Variants in SH3PXD2A observed in about 807,000 individuals in gnomAD.
SH3PXD2A encodes the protein SH3 and PX domains 2A.
In SH3PXD2A, 32 loss-of-function variants were observed where a neutral mutation model predicts 115.2. The ratio of observed to expected loss-of-function variants is 0.28; its 90% CI spans 0.21 to 0.37. The LOEUF (loss-of-function observed/expected upper bound fraction) is 0.37, where lower values mean the gene tolerates loss of function less well. SH3PXD2A is among the 10% of genes least tolerant of loss of function. SH3PXD2A has a pLI of 1.00. For synonymous variants in SH3PXD2A, 610 were observed against 629.1 expected (o/e 0.97, Z 0.45); for missense variants, 1,328 against 1,498.7 (o/e 0.89, Z 1.88).
chr10:103,612,754 G>A (rs921670587), intron 12 of SH3PXD2A, 99 bp downstream of exon 12: 12 of 756,470 alleles, frequency 1.6e-5, no homozygotes, highest in Admixed American at 3.2e-5. Flanking sequence ...GGAGGAAAAC[G>A]CCATGGGGGT....
rs547246862 is a variant in SH3PXD2A, at chr10:103,665,402, C to A, written c.472+3206G>T. On this transcript the variant is annotated intron_variant, in intron 7 of 14. Transcript: ENST00000369774. The surrounding 1 kb of genome is among the most constrained non-coding windows in gnomAD (Gnocchi z 4.0). The stretch of plus-strand genomic sequence containing the variant: ...CACTTTCCTGGAAAATTGGCCTGAC[C>A]TTCCTGAAGGCTGACTCTCTGGGAC... Among the ~76,000 whole-genome samples the A allele has an allele frequency of 1.8e-4, 27 of 152,128 alleles. No homozygotes were observed. Among genetic ancestry groups the A allele is most frequent in the Non-Finnish European group, 3.5e-4 (24 of 68,020 alleles).
At position 103,619,251 on chromosome 10, in the gene SH3PXD2A, C is replaced by T. The variant is rs191174432; in HGVS notation, c.803-1937G>A. Among the ~76,000 whole-genome samples, 107 of 152,318 alleles carry T rather than the reference C, an allele frequency of 7.0e-4. 1 individual carries two copies. Among genetic ancestry groups the T allele is most frequent in the Admixed American group, 3.1e-3 (48 of 15,304 alleles). On this transcript the variant is annotated intron_variant, in intron 10 of 14. Coordinates refer to ENST00000369774, the MANE Select transcript of SH3PXD2A (RefSeq NM_001394015.1). ...GCCCTTTGAGAAGTTCAGGGCTCCA[C>T]AGTCCAACTCTCTCTGCTCTCCTGC... is the stretch of plus-strand genomic sequence containing the variant.
chr10:103,842,391 T>G (rs7901127), intron 1 of SH3PXD2A, among the ~76,000 whole-genome samples: 132,588 of 152,212 alleles, frequency 0.87, 58,896 homozygotes, highest in East Asian at 0.99. Context: ...CACTTATCTT[T>G]TATTTGTACT....
intron 2 of SH3PXD2A, among the ~76,000 whole-genome samples, chr10:103,785,721 G>C (rs1279566885): frequency 6.6e-6 from 1 of 151,962 alleles, no homozygotes; most frequent in African/African-American, 2.4e-5. Flanking sequence ...GGGGAAGCAG[G>C]TTTCCTCCCC....
chr10:103,795,789 A>G (rs1450226511), intron 2 of SH3PXD2A, among the ~76,000 whole-genome samples: 3 of 151,958 alleles, frequency 2.0e-5, no homozygotes, highest in Non-Finnish European at 4.4e-5. Context: ...TTGGATCATC[A>G]ATGTGTCCCA....
intron 14 of SH3PXD2A, among the ~76,000 whole-genome samples, 163 bp downstream of exon 14, chr10:103,605,635 C>T (rs1310687460): frequency 2.0e-5 from 3 of 152,228 alleles, no homozygotes; most frequent in Admixed American, 2.0e-4. Flanking sequence ...GGCCATGGCA[C>T]TGGCCAGCGC....
intron 3 of SH3PXD2A, among the ~76,000 whole-genome samples, chr10:103,760,645 A>G (rs1315552864): frequency 6.6e-6 from 1 of 151,354 alleles, no homozygotes; most frequent in African/African-American, 2.4e-5. Context: ...ATATGTATAT[A>G]AAATAAATAT....
At chr10:103,722,542 T>G (rs1199872918) in intron 5 of SH3PXD2A, among the ~76,000 whole-genome samples, 1 of 152,038 alleles carries the variant, frequency 6.6e-6, no homozygotes, top group Non-Finnish European at 1.5e-5. Context: ...GCTCAAGAGA[T>G]CCACCTGCCT....
At chr10:103,617,826 C>T (rs137947150) in intron 10 of SH3PXD2A, among the ~76,000 whole-genome samples, 7 of 152,348 alleles carry the variant, frequency 4.6e-5, no homozygotes, top group South Asian at 2.1e-4. Flanking sequence ...CTCTGTCTGA[C>T]CTTCAGAGGT....
At chr10:103,613,440 A>G (rs1293698049) in intron 11 of SH3PXD2A, among the ~76,000 whole-genome samples, 1 of 152,194 alleles carries the variant, frequency 6.6e-6, no homozygotes, top group Non-Finnish European at 1.5e-5. Context: ...GTGGGCTCTC[A>G]TGTTCTGCAA....
chr10:103,622,881 G>C (rs1265527303), intron 9 of SH3PXD2A, among the ~76,000 whole-genome samples: 2 of 152,196 alleles, frequency 1.3e-5, no homozygotes, highest in African/African-American at 4.8e-5. Flanking sequence ...CAGCCCCTCA[G>C]CTACAGCCTC....
intron 9 of SH3PXD2A, among the ~76,000 whole-genome samples, chr10:103,625,129 C>T (rs1370309668): frequency 1.3e-5 from 2 of 152,222 alleles, no homozygotes; most frequent in Non-Finnish European, 2.9e-5. Context: ...CTGCCCAACC[C>T]ACTACTACTT....
chr10:103,602,620 C>G lies in SH3PXD2A; in HGVS notation c.2598G>C (p.Glu866Asp). ...DSEISFPAGV[E>D]VQVLEKQESG... ...TCTCCTGCTTCTCCAGCACCTGCACCTCCACGCCCGCGGGGAAGCTGATCT... is the reference window on the plus strand; with the variant it reads ...TCTCCTGCTTCTCCAGCACCTGCACGTCCACGCCCGCGGGGAAGCTGATCT... Residue 866 changes from glutamate to aspartate, a missense_variant, in exon 15 of 15, where the codon GAG (glutamate) becomes GAC (aspartate). By Grantham distance (45) the Glu-to-Asp change is conservative. This residue lies in a region of SH3PXD2A where 574 missense variants were observed against 565.7 expected (regional missense o/e 1.01). Transcript: ENST00000369774. The G allele has an allele frequency of 6.2e-7, 1 of 1,614,200 alleles. No individual in the cohort carries two copies. The highest frequency in any genetic ancestry group is 8.5e-7 in the Non-Finnish European group (1 of 1,180,034).
intron 1 of SH3PXD2A, among the ~76,000 whole-genome samples, chr10:103,810,649 C>T (rs1482840927): frequency 6.6e-6 from 1 of 152,110 alleles, no homozygotes; most frequent in East Asian, 1.9e-4. Flanking sequence ...TGGTGATACC[C>T]ATGGGGCACC....
At chr10:103,817,982 T>C (rs114496406) in intron 1 of SH3PXD2A, among the ~76,000 whole-genome samples, 2,680 of 152,280 alleles carry the variant, frequency 0.018, 79 homozygotes, top group African/African-American at 0.06. Context: ...TGAAAATGTT[T>C]AAAAATGACT....
chr10:103,743,743 A>G (rs7894860), intron 3 of SH3PXD2A, among the ~76,000 whole-genome samples: 12,247 of 143,120 alleles, frequency 0.086, 1,290 homozygotes, highest in East Asian at 0.29. Context: ...AGAATACCCA[A>G]CTCTAAAAAC....
intron 9 of SH3PXD2A, among the ~76,000 whole-genome samples, chr10:103,626,627 A>T (rs2036699306): frequency 7.0e-6 from 1 of 143,030 alleles, no homozygotes; most frequent in Non-Finnish European, 1.5e-5. Context: ...AAAGAAAAAG[A>T]AAAAAAAAAA....
intron 1 of SH3PXD2A, among the ~76,000 whole-genome samples, chr10:103,811,990 T>A (rs1815571529): frequency 6.6e-6 from 1 of 152,142 alleles, no homozygotes; most frequent in Non-Finnish European, 1.5e-5. Flanking sequence ...CCTAGCACAG[T>A]CTTTTGCACT....
At chr10:103,694,703 C>T (rs2037804226) in intron 5 of SH3PXD2A, among the ~76,000 whole-genome samples, 1 of 152,202 alleles carries the variant, frequency 6.6e-6, no homozygotes, top group Non-Finnish European at 1.5e-5. Flanking sequence ...TCAGCCATTG[C>T]CGAAGGTTGC....
Sources: gnomAD v4.1 joint callset for allele counts (sites outside exome capture counted in the v4.1 genomes callset) on GRCh38, gnomAD v4.1.1 for gene constraint, gnomAD v4.1.1 regional missense constraint, Gnocchi (gnomAD v3.1) non-coding constraint, MANE v1.5 for transcripts, NCBI Gene and HGNC (gene_info 2026-07-23, HGNC 2026-07-21) for gene names.